Variants in CDC42BPA observed in about 807,000 individuals in gnomAD.
CDC42BPA encodes the protein CDC42 binding protein kinase alpha, also known as serine/threonine-protein kinase MRCK alpha.
In CDC42BPA, 80 loss-of-function variants were observed where a neutral mutation model predicts 223.5. The ratio of observed to expected loss-of-function variants is 0.36; its 90% confidence interval spans 0.30 to 0.43. The LOEUF is 0.43. CDC42BPA is among the 20% of genes least tolerant of loss of function. The pLI, the probability that CDC42BPA is intolerant of heterozygous loss-of-function variation, is 1.00. For missense variants in CDC42BPA, 1,743 were observed against 2,099.9 expected (o/e 0.83, Z 3.32); for synonymous variants, 694 against 718.6 (o/e 0.97, Z 0.55).
At chr1:227,084,527 CAAAA>C (rs577067399) in intron 16 of CDC42BPA, among the ~76,000 whole-genome samples, 4 of 91,066 alleles carry the variant, frequency 4.4e-5, no homozygotes, top group Admixed American at 3.6e-4. Flanking sequence ...GACTTCATCT[CAAAA>C]AAAAAAAAAA....
At chr1:227,211,567 T>C (rs1673903408) in intron 3 of CDC42BPA, among the ~76,000 whole-genome samples, 1 of 152,160 alleles carries the variant, frequency 6.6e-6, no homozygotes, top group Non-Finnish European at 1.5e-5. Context: ...TATGTATGTA[T>C]ATATGTGTGT....
At chr1:227,082,969 T>G (rs1008379130) in intron 16 of CDC42BPA, among the ~76,000 whole-genome samples, 11 of 152,144 alleles carry the variant, frequency 7.2e-5, no homozygotes, top group African/African-American at 2.7e-4. Context: ...TGGTTGCTTT[T>G]AGAATTTTAT....
intron 1 of CDC42BPA, among the ~76,000 whole-genome samples, chr1:227,269,838 T>C (rs973070139): frequency 5.9e-5 from 9 of 152,192 alleles, no homozygotes; most frequent in Non-Finnish European, 2.9e-5. Context: ...ACTCTGTTCC[T>C]AGGAAACAAG....
chr1:227,044,989 G>A (rs1672138568), intron 23 of CDC42BPA, among the ~76,000 whole-genome samples: 1 of 152,128 alleles, frequency 6.6e-6, no homozygotes. Flanking sequence ...CACACTGGAA[G>A]CCTTTCAGCC....
intron 33 of CDC42BPA, 97 bp from the exon 34 acceptor site, chr1:227,016,294 T>G: frequency 8.3e-6 from 6 of 725,258 alleles, no homozygotes; most frequent in Non-Finnish European, 1.2e-5. Context: ...AAAATACAAC[T>G]GTTAAATCAC....
At chr1:227,221,113 T>C (rs1675820117) in intron 2 of CDC42BPA, among the ~76,000 whole-genome samples, 1 of 152,242 alleles carries the variant, frequency 6.6e-6, no homozygotes, top group African/African-American at 2.4e-5. Context: ...CTGTCTAATT[T>C]CCAAATAAAT....
At chr1:227,109,398 C>T (rs994214278) in intron 14 of CDC42BPA, among the ~76,000 whole-genome samples, 1 of 152,054 alleles carries the variant, frequency 6.6e-6, no homozygotes, top group Non-Finnish European at 1.5e-5. Context: ...CAGAGTCTCA[C>T]TCTGTCACCC....
chr1:227,104,750 G>A (rs1685617173), intron 14 of CDC42BPA, among the ~76,000 whole-genome samples: 1 of 152,106 alleles, frequency 6.6e-6, no homozygotes, highest in South Asian at 2.1e-4. Flanking sequence ...GACACACAGG[G>A]AGAACTCCAT....
chr1:227,043,876 T>G (rs1671885832), intron 23 of CDC42BPA, among the ~76,000 whole-genome samples: 1 of 152,148 alleles, frequency 6.6e-6, no homozygotes, highest in South Asian at 2.1e-4. Flanking sequence ...GAAAGAGATT[T>G]TTCTGATGAA....
At position 227,028,974 on chromosome 1, in the gene CDC42BPA, T is replaced by C. The variant is rs747384342; in HGVS notation, c.4115A>G (p.His1372Arg). The change falls in exon 30 of 37, where the codon CAC becomes CGC. Residue 1372 changes from histidine to arginine, a missense_variant. Around this residue, in one of 6 missense-constraint regions of CDC42BPA, gnomAD observed 678 missense variants for 777.5 expected, o/e 0.87. Coordinates refer to ENST00000366766, the MANE Select transcript of CDC42BPA (RefSeq NM_001394014.1). ...CYELFQSKTR[H>R]RKFKEIQVPY... The stretch of plus-strand genomic sequence containing the variant: ...GACTTGAATTTCTTTAAATTTTCTG[T>C]GACGGGTCTTGCTCTGAAATAGTTC... 2.5e-6 allele frequency: 4 copies of C among 1,614,136 alleles called. No individual in the cohort carries two copies. Among genetic ancestry groups the C allele is most frequent in the Non-Finnish European group, 3.4e-6 (4 of 1,180,028 alleles).
intron 1 of CDC42BPA, among the ~76,000 whole-genome samples, chr1:227,260,158 A>C: frequency 6.6e-6 from 1 of 151,038 alleles, no homozygotes; most frequent in East Asian, 1.9e-4. Flanking sequence ...CAACATAACA[A>C]GTTGCCTCTT....
intron 6 of CDC42BPA, among the ~76,000 whole-genome samples, chr1:227,148,104 T>C (rs1661020045): frequency 6.6e-6 from 1 of 152,064 alleles, no homozygotes; most frequent in Non-Finnish European, 1.5e-5. Context: ...AAATCTAAAG[T>C]TCCAATAGAG....
chr1:227,012,684 A>G (rs1165731548), intron 34 of CDC42BPA, among the ~76,000 whole-genome samples: 1 of 152,146 alleles, frequency 6.6e-6, no homozygotes, highest in Non-Finnish European at 1.5e-5. Context: ...ATTTAAAAAC[A>G]TATATGTTAA....
chr1:227,032,107 G>A (rs1430118902), intron 27 of CDC42BPA, among the ~76,000 whole-genome samples: 3 of 152,020 alleles, frequency 2.0e-5, no homozygotes, highest in Non-Finnish European at 4.4e-5. Flanking sequence ...ACAATAACTC[G>A]CATTATCATT....
intron 1 of CDC42BPA, among the ~76,000 whole-genome samples, chr1:227,303,283 G>C (rs1336520406): frequency 6.6e-6 from 1 of 152,032 alleles, no homozygotes; most frequent in Non-Finnish European, 1.5e-5. Flanking sequence ...CTTTCTTCTT[G>C]GGGAGAGTCA....
intron 1 of CDC42BPA, among the ~76,000 whole-genome samples, chr1:227,272,841 A>G (rs563072928): frequency 1.3e-5 from 2 of 152,344 alleles, no homozygotes; most frequent in African/African-American, 4.8e-5. Flanking sequence ...ATTGAGAGAT[A>G]TGGTTTCAGA....
chr1:227,192,057 GA>G (rs1228724752), intron 5 of CDC42BPA, among the ~76,000 whole-genome samples: 1 of 150,812 alleles, frequency 6.6e-6, no homozygotes, highest in Non-Finnish European at 1.5e-5. Flanking sequence ...TACCCACAGA[GA>G]AAAGCACACG....
chr1:227,047,922 A>G lies in CDC42BPA; in HGVS notation c.3093+5T>C, dbSNP rs570177883. On this transcript the variant is annotated splice_donor_5th_base_variant and intron_variant, in intron 23 of 36. Coordinates refer to ENST00000366766, the MANE Select transcript of CDC42BPA (RefSeq NM_001394014.1). ...ACACACTATGCTTATAACTAGATTG[A>G]GTACCTTAGGTGGAAAGCCAGTTGA... 6 of 1,572,052 alleles carry G rather than the reference A, an allele frequency of 3.8e-6. No individual in the cohort carries two copies. In the East Asian group the frequency reaches 9.0e-5, roughly 24 times the overall value.
At chr1:227,144,921 A>C (rs1660436795) in intron 8 of CDC42BPA, among the ~76,000 whole-genome samples, 1 of 152,174 alleles carries the variant, frequency 6.6e-6, no homozygotes. Flanking sequence ...TAGTCCTGGA[A>C]TCTGCCCTCT....
Sources: gnomAD v4.1 joint callset for allele counts (sites outside exome capture counted in the v4.1 genomes callset) on GRCh38, gnomAD v4.1.1 for gene constraint, gnomAD v4.1.1 regional missense constraint, MANE v1.5 for transcripts, NCBI Gene and HGNC (gene_info 2026-07-23, HGNC 2026-07-21) for gene names.